The following CSGALNACT2 variants were observed in gnomAD, a reference collection of about 807,000 sequenced individuals.
The protein encoded by CSGALNACT2 is chondroitin sulfate N-acetylgalactosaminyltransferase 2.
A neutral mutation model predicts 55.3 loss-of-function variants in CSGALNACT2; 35 were observed. The observed-to-expected ratio is 0.63, with a 90% confidence interval of 0.48 to 0.84. The LOEUF (loss-of-function observed/expected upper bound fraction) is 0.84, where lower values mean the gene tolerates loss of function less well. Ranked by LOEUF, CSGALNACT2 falls within the 40% of genes least tolerant of loss-of-function variation. The pLI, the probability that CSGALNACT2 is intolerant of heterozygous loss-of-function variation, is 0.00. For synonymous variants in CSGALNACT2, 196 were observed against 224.9 expected, an observed-to-expected ratio of 0.87 and a Z score of 1.15; for missense variants, 544 against 657.5, an observed-to-expected ratio of 0.83 and a Z score of 1.89.
At position 43,155,032 on chromosome 10, in the gene CSGALNACT2, G is replaced by T. The variant is rs1838962050; in HGVS notation, c.-118G>T. On this transcript the variant is annotated 5_prime_UTR_variant, in exon 2 of 8. Transcript: ENST00000374466. ...ACTGCTGAAGAAAGAAAAACTTAAA[G>T]CTACGGCAGAATTATTTTATGGAAA... 1.2e-6 allele frequency: 1 copy of T among 847,420 alleles called. No individual in the cohort carries two copies. The highest frequency in any genetic ancestry group is 2.9e-5 in the Admixed American group (1 of 34,826). 52.5% of individuals were successfully genotyped at this position (847,420 alleles called of 1,614,324 possible). A position where few individuals can be genotyped will look rare whatever the true frequency, so the allele number is the denominator to read the frequency against.
chr10:43,175,589 G>A (rs1057469740), intron 6 of CSGALNACT2, among the ~76,000 whole-genome samples: 1 of 152,130 alleles, frequency 6.6e-6, no homozygotes, highest in Non-Finnish European at 1.5e-5. Flanking sequence ...GAACAAAACT[G>A]TACCAATCAG....
intron 6 of CSGALNACT2, among the ~76,000 whole-genome samples, chr10:43,174,303 T>C (rs1475738082): frequency 6.6e-6 from 1 of 152,190 alleles, no homozygotes; most frequent in Non-Finnish European, 1.5e-5. Flanking sequence ...TGTTTTCCTG[T>C]TGATTCTCCT....
At chr10:43,141,368 C>G (rs1260584111) in intron 1 of CSGALNACT2, among the ~76,000 whole-genome samples, 8 of 149,350 alleles carry the variant, frequency 5.4e-5, no homozygotes, top group African/African-American at 2.0e-4. Context: ...CAGGCGCCCG[C>G]CACCATGCCC....
intron 4 of CSGALNACT2, chr10:43,163,003 T>C: frequency 3.0e-6 from 3 of 985,334 alleles, no homozygotes; most frequent in Non-Finnish European, 3.6e-6. Context: ...AAGATTCCGT[T>C]GACCCTTATC....
In CSGALNACT2 at chr10:43,183,512, A is replaced by G. The variant is rs1839633748; in HGVS notation, c.1599A>G (p.Ala533=). Reference sequence around the variant, plus strand: ...TAGAGACGCATCTTCATAAACAGGCATACAGGACAAACAGTGAAGCTGTTG... The same window carrying G: ...TAGAGACGCATCTTCATAAACAGGCGTACAGGACAAACAGTGAAGCTGTTG... ...EEIETHLHKQ[A]YRTNSEAVG Residue 533 remains alanine (A), a synonymous_variant, in exon 8 of 8, where the codon GCA becomes GCG. Transcript: ENST00000374466. 2 of 1,614,210 alleles carry G rather than the reference A, an allele frequency of 1.2e-6. No homozygotes were observed. Among genetic ancestry groups the G allele is most frequent in the African/African-American group, 1.3e-5 (1 of 75,072 alleles).
intron 1 of CSGALNACT2, among the ~76,000 whole-genome samples, chr10:43,145,788 T>C (rs1041881757): frequency 6.6e-6 from 1 of 152,206 alleles, no homozygotes; most frequent in Non-Finnish European, 1.5e-5. Context: ...TTTGCTTCTA[T>C]TGCTTATATT....
At chr10:43,150,763 G>A (rs538250762) in intron 1 of CSGALNACT2, among the ~76,000 whole-genome samples, 1 of 152,224 alleles carries the variant, frequency 6.6e-6, no homozygotes, top group East Asian at 1.9e-4. Context: ...TCAAATTTGG[G>A]AAATTTTCAG....
chr10:43,172,434 A>AT (rs1839400310), intron 6 of CSGALNACT2, among the ~76,000 whole-genome samples: 1 of 152,170 alleles, frequency 6.6e-6, no homozygotes, highest in Non-Finnish European at 1.5e-5. Context: ...TTGCCTACAC[A>AT]TTAATTCATT....
chr10:43,147,166 G>A (rs1199797770), intron 1 of CSGALNACT2, among the ~76,000 whole-genome samples: 6 of 150,896 alleles, frequency 4.0e-5, no homozygotes, highest in Middle Eastern at 3.4e-3. Context: ...TAGTAGAGAC[G>A]GGGTTTCACC....
chr10:43,155,833 C>A, intron 2 of CSGALNACT2, 23 bp downstream of exon 2: 1 of 1,577,592 alleles, frequency 6.3e-7, no homozygotes, highest in South Asian at 1.2e-5. Flanking sequence ...ATATGTTGGT[C>A]AATATTATGT....
intron 5 of CSGALNACT2, among the ~76,000 whole-genome samples, chr10:43,166,696 T>C (rs2133135030): frequency 6.6e-6 from 1 of 152,354 alleles, no homozygotes; most frequent in African/African-American, 2.4e-5. Context: ...TACTACTGAT[T>C]AGATGAAACA....
intron 7 of CSGALNACT2, among the ~76,000 whole-genome samples, chr10:43,181,469 A>G (rs943202773): frequency 2.0e-5 from 3 of 152,230 alleles, no homozygotes; most frequent in South Asian, 2.1e-4. Flanking sequence ...TATATGTACC[A>G]TCTCTAATAT....
intron 2 of CSGALNACT2, 58 bp from the exon 3 acceptor site, chr10:43,158,657 C>G: frequency 1.0e-6 from 1 of 980,946 alleles, no homozygotes; most frequent in Non-Finnish European, 1.6e-6. Flanking sequence ...ATCTGTCTTC[C>G]CATTGAATTT....
intron 6 of CSGALNACT2, among the ~76,000 whole-genome samples, chr10:43,169,017 A>G (rs1181452211): frequency 6.6e-6 from 1 of 152,192 alleles, no homozygotes; most frequent in Middle Eastern, 3.2e-3. Context: ...GGGAGCCTGG[A>G]ATAAACATGC....
At chr10:43,171,803 C>T (rs1354178371) in intron 6 of CSGALNACT2, among the ~76,000 whole-genome samples, 1 of 152,186 alleles carries the variant, frequency 6.6e-6, no homozygotes, top group Non-Finnish European at 1.5e-5. Flanking sequence ...CTTAACTTTT[C>T]TAAGCTTCAG....
At chr10:43,167,138 A>T (rs767875493) in intron 6 of CSGALNACT2, 40 bp downstream of exon 6, 1 of 1,272,026 alleles carries the variant, frequency 7.9e-7, no homozygotes, top group Non-Finnish European at 1.1e-6. Context: ...GACTCTAAAG[A>T]TCTTTTCTAG....
intron 7 of CSGALNACT2, among the ~76,000 whole-genome samples, chr10:43,178,864 A>C (rs1166531433): frequency 1.3e-5 from 2 of 152,076 alleles, no homozygotes; most frequent in Admixed American, 1.3e-4. Context: ...GTATGTTGGT[A>C]CATTTAATGG....
intron 6 of CSGALNACT2, among the ~76,000 whole-genome samples, chr10:43,171,958 G>A (rs1839390761): frequency 1.3e-5 from 2 of 152,202 alleles, no homozygotes; most frequent in African/African-American, 4.8e-5. Context: ...TAGAACAGCA[G>A]TATAATGCTT....
intron 5 of CSGALNACT2, among the ~76,000 whole-genome samples, chr10:43,165,464 T>C (rs1301618690): frequency 1.3e-5 from 2 of 152,010 alleles, no homozygotes; most frequent in African/African-American, 2.4e-5. Context: ...CAAAACATAA[T>C]GTTGTACACC....
Sources: allele counts gnomAD v4.1 joint callset (sites outside exome capture counted in the v4.1 genomes callset), GRCh38; gene constraint gnomAD v4.1.1; transcripts MANE v1.5; gene names NCBI Gene and HGNC (gene_info 2026-07-23, HGNC 2026-07-21).